Variants in RIMBP2 observed in about 807,000 individuals in gnomAD.
RIMBP2 encodes RIMS binding protein 2.
Under a neutral mutation model 118.6 loss-of-function variants are expected in RIMBP2, and 48 were observed. That is an observed-to-expected ratio of 0.40 (90% CI 0.32 to 0.51). RIMBP2 has a LOEUF of 0.51. Ranked by LOEUF, RIMBP2 falls within the 20% of genes least tolerant of loss-of-function variation. The pLI, the probability that RIMBP2 is intolerant of heterozygous loss-of-function variation, is 0.41. For synonymous variants in RIMBP2, 762 were observed against 742.9 expected (o/e 1.03, Z -0.42); for missense variants, 1,551 against 1,768.3 (o/e 0.88, Z 2.20).
intron 2 of RIMBP2, among the ~76,000 whole-genome samples, chr12:130,625,318 G>A (rs551515940): frequency 3.3e-5 from 5 of 152,292 alleles, no homozygotes; most frequent in South Asian, 4.1e-4. Flanking sequence ...ATAGAGGGGC[G>A]CCGAGACCTG....
chr12:130,408,168 C>T (rs1255740932), intron 19 of RIMBP2, among the ~76,000 whole-genome samples: 3 of 152,168 alleles, frequency 2.0e-5, no homozygotes, highest in African/African-American at 2.4e-5. Context: ...ACGGGGAGGC[C>T]GTGGCTTGGG....
At position 130,456,348 on chromosome 12, in the gene RIMBP2, C is replaced by T. The variant is rs561821315; in HGVS notation, c.358+148G>A. On this transcript the variant is annotated intron_variant, in intron 7 of 22. Coordinates refer to ENST00000690449, the MANE Select transcript of RIMBP2 (RefSeq NM_001393629.1). ...CCGTGTGCCCCACGGCTGTGAGCAG[C>T]CCTGTTCTCATCCTTCCCATTGCAG... is the stretch of plus-strand genomic sequence containing the variant. 9.1e-6 allele frequency: 6 copies of T among 656,668 alleles called. No individual in the cohort carries two copies. In the Admixed American group the frequency reaches 9.4e-5, roughly 10 times the overall value. 40.7% of individuals were successfully genotyped at this position (656,668 alleles called of 1,614,324 possible). A position where few individuals can be genotyped will look rare whatever the true frequency, so the allele number is the denominator to read the frequency against.
At chr12:130,638,584 C>T (rs569848742) in intron 1 of RIMBP2, among the ~76,000 whole-genome samples, 5 of 152,048 alleles carry the variant, frequency 3.3e-5, no homozygotes, top group Admixed American at 1.3e-4. Context: ...ACTATGCATG[C>T]GAGGGATCTG....
chr12:130,612,283 C>T (rs112125589), intron 2 of RIMBP2, among the ~76,000 whole-genome samples: 3 of 152,166 alleles, frequency 2.0e-5, no homozygotes, highest in Non-Finnish European at 2.9e-5. Context: ...GGGCTGAGTG[C>T]GGCCCCGGGT....
At chr12:130,610,126 C>T (rs1323391644) in intron 2 of RIMBP2, among the ~76,000 whole-genome samples, 1 of 149,150 alleles carries the variant, frequency 6.7e-6, no homozygotes, top group African/African-American at 2.5e-5. Context: ...TCCTCCCAGT[C>T]CCTCCCGTTC....
At chr12:130,602,569 T>C (rs1179213323) in intron 2 of RIMBP2, among the ~76,000 whole-genome samples, 1 of 152,234 alleles carries the variant, frequency 6.6e-6, no homozygotes, top group African/African-American at 2.4e-5. Flanking sequence ...GTGGGATGGC[T>C]CCCGCCTTGT....
chr12:130,609,856 C>T (rs1236013446), intron 2 of RIMBP2, among the ~76,000 whole-genome samples: 1 of 152,168 alleles, frequency 6.6e-6, no homozygotes, highest in Non-Finnish European at 1.5e-5. Flanking sequence ...GCGGGCAGGA[C>T]AGACGGAAGT....
At chr12:130,463,742 A>G (rs1046245257) in intron 6 of RIMBP2, among the ~76,000 whole-genome samples, 1 of 152,104 alleles carries the variant, frequency 6.6e-6, no homozygotes, top group African/African-American at 2.4e-5. Flanking sequence ...GGGCTGGGAA[A>G]GATGAGGCTG....
intron 2 of RIMBP2, among the ~76,000 whole-genome samples, chr12:130,518,349 A>G (rs1356473252): frequency 6.6e-6 from 1 of 152,250 alleles, no homozygotes; most frequent in Non-Finnish European, 1.5e-5. Flanking sequence ...TAAGGACTAA[A>G]TGGCTAGACC....
chr12:130,413,142 G>A (rs2075848711), intron 18 of RIMBP2, among the ~76,000 whole-genome samples: 1 of 152,184 alleles, frequency 6.6e-6, no homozygotes, highest in African/African-American at 2.4e-5. Flanking sequence ...GCTGCACAAA[G>A]TGGTGTTTCT....
chr12:130,706,579 G>A (rs774610460), intron 1 of RIMBP2, among the ~76,000 whole-genome samples: 35 of 152,388 alleles, frequency 2.3e-4, no homozygotes, highest in African/African-American at 4.1e-4. Context: ...GCAGCATGGC[G>A]TAGTGGCCAG....
intron 1 of RIMBP2, chr12:130,657,897 G>A (rs971169950): frequency 4.6e-5 from 7 of 152,270 alleles, no homozygotes; most frequent in African/African-American, 1.7e-4. Flanking sequence ...CCCTTTTGGT[G>A]TTCTATTTAT....
Position 130,447,114 on chromosome 12 carries a change from C to G in RIMBP2, c.582-1845G>C, listed in dbSNP as rs747138672. Reference sequence around the variant, plus strand: ...AGGAGGGAGCGAGAGGAACAGGAGCCCCCAGGCCACGCCTTCAGGAGTGCC... The same window carrying G: ...AGGAGGGAGCGAGAGGAACAGGAGCGCCCAGGCCACGCCTTCAGGAGTGCC... On this transcript the variant is annotated intron_variant, in intron 9 of 22. Coordinates refer to ENST00000690449, the MANE Select transcript of RIMBP2 (RefSeq NM_001393629.1). This position sits in a 1 kb window ranked among gnomAD's most constrained non-coding sequence, Gnocchi z 4.4. 6.6e-6 allele frequency among the ~76,000 whole-genome samples: 1 copy of G among 151,372 alleles called. No homozygotes were observed. The highest frequency in any genetic ancestry group is 1.5e-5 in the Non-Finnish European group (1 of 67,846).
intron 2 of RIMBP2, among the ~76,000 whole-genome samples, chr12:130,556,413 G>A (rs761854318): frequency 3.3e-5 from 5 of 152,200 alleles, no homozygotes; most frequent in African/African-American, 7.2e-5. Flanking sequence ...ATTGGAACTC[G>A]GGAAGTGGTA....
chr12:130,675,627 C>T (rs965762073), intron 1 of RIMBP2, among the ~76,000 whole-genome samples: 8 of 152,142 alleles, frequency 5.3e-5, no homozygotes, highest in African/African-American at 1.4e-4. Flanking sequence ...AGGTTTCCCC[C>T]GAAACTGCTC....
At chr12:130,599,535 G>A (rs2129662) in intron 2 of RIMBP2, among the ~76,000 whole-genome samples, 64,521 of 152,046 alleles carry the variant, frequency 0.42, 14,939 homozygotes, top group Admixed American at 0.55. Flanking sequence ...CACTGGGGAA[G>A]TGCAAATAAA....
intron 3 of RIMBP2, 58 bp downstream of exon 3, chr12:130,517,770 T>C: frequency 1.4e-6 from 1 of 731,512 alleles, no homozygotes; most frequent in Non-Finnish European, 1.7e-6. Context: ...TGTTCCTCCC[T>C]GGCCCAGCCC....
At chr12:130,435,545 C>G (rs796690589) in intron 13 of RIMBP2, among the ~76,000 whole-genome samples, 4 of 152,268 alleles carry the variant, frequency 2.6e-5, no homozygotes, top group African/African-American at 9.6e-5. Context: ...GAAGTGGAGC[C>G]GCATCCCACA....
rs2076483354 is a variant in RIMBP2, at chr12:130,422,529, C to T, written c.3162G>A (p.Val1054=). ...GGGGAAACCTCCGGCCCATGTGATC[C>T]ACCCGTCCTGCAGAGGCTGGGTTCC... ...ILGNPASAGR[V]DHMGRRFPRG... is the part of the protein sequence containing the mutation. Residue 1054 remains valine, a synonymous_variant, in exon 17 of 23, where the codon GTG becomes GTA. Coordinates refer to ENST00000690449, the MANE Select transcript of RIMBP2 (RefSeq NM_001393629.1). The surrounding 1 kb of genome is among the most constrained non-coding windows in gnomAD (Gnocchi z 5.2). The T allele has an allele frequency of 1.2e-6, 2 of 1,612,016 alleles. No individual in the cohort carries two copies. Among genetic ancestry groups the T allele is most frequent in the African/African-American group, 2.7e-5 (2 of 74,918 alleles).
Sources: gnomAD v4.1 joint callset for allele counts (sites outside exome capture counted in the v4.1 genomes callset) on GRCh38, gnomAD v4.1.1 for gene constraint, Gnocchi (gnomAD v3.1) non-coding constraint, MANE v1.5 for transcripts, NCBI Gene and HGNC (gene_info 2026-07-23, HGNC 2026-07-21) for gene names.